Variants in ADAM22 observed in about 807,000 individuals in gnomAD.
ADAM22 encodes ADAM metallopeptidase domain 22.
In ADAM22, 65 loss-of-function variants were observed where a neutral mutation model predicts 144.6. The observed-to-expected ratio is 0.45, with a 90% CI of 0.37 to 0.55. The LOEUF (loss-of-function observed/expected upper bound fraction) is 0.55. ADAM22 is among the 20% of genes least tolerant of loss of function. The pLI, the probability that ADAM22 is intolerant of heterozygous loss-of-function variation, is 0.00. For synonymous variants in ADAM22, 391 were observed against 412.6 expected, an observed-to-expected ratio of 0.95 and a Z score of 0.63; for missense variants, 974 against 1,184.9, an observed-to-expected ratio of 0.82 and a Z score of 2.61.
chr7:88,058,538 G>T (rs1808896744), intron 3 of ADAM22, among the ~76,000 whole-genome samples: 2 of 152,150 alleles, frequency 1.3e-5, no homozygotes, highest in Admixed American at 1.3e-4. Context: ...ACCTTCATAG[G>T]ACATAACAAC....
chr7:88,141,535 T>C (rs1834646135), intron 14 of ADAM22, among the ~76,000 whole-genome samples: 1 of 152,134 alleles, frequency 6.6e-6, no homozygotes, highest in African/African-American at 2.4e-5. Flanking sequence ...CTTACCTTGT[T>C]TTTTTTCCCT....
rs1201180635 is a variant in ADAM22 at position 88,155,806 on chromosome 7, A to G, written c.1788-81A>G. The G allele has an allele frequency of 4.7e-6, 7 of 1,501,554 alleles. No homozygotes were observed. In the Admixed American group the frequency reaches 1.1e-4, roughly 23 times the overall value. The allele number at this position is 1,501,554 out of a possible 1,614,324, so 93.0% of individuals were successfully genotyped here. On this transcript the variant is annotated intron_variant, in intron 21 of 31. Coordinates refer to ENST00000413139, the MANE Select transcript of ADAM22 (RefSeq NM_001324418.2). ...ATATACTTGATGAAAACCAAATGCTAAAATGAGAGAAGATTATTCTAACTG... is the reference window on the plus strand; with the variant it reads ...ATATACTTGATGAAAACCAAATGCTGAAATGAGAGAAGATTATTCTAACTG...
chr7:88,001,195 G>A (rs1410115964), intron 3 of ADAM22, among the ~76,000 whole-genome samples: 11 of 152,150 alleles, frequency 7.2e-5, no homozygotes, highest in African/African-American at 2.4e-4. Context: ...GAAGTGTTTG[G>A]ATTTTAAATT....
chr7:88,100,291 A>T (rs529685847), intron 4 of ADAM22, among the ~76,000 whole-genome samples: 1 of 152,328 alleles, frequency 6.6e-6, no homozygotes, highest in East Asian at 1.9e-4. Context: ...GCTTTATGAA[A>T]AATTAAGTAC....
chr7:88,166,385 T>C (rs1842946658), intron 24 of ADAM22, among the ~76,000 whole-genome samples: 1 of 152,190 alleles, frequency 6.6e-6, no homozygotes, highest in African/African-American at 2.4e-5. Context: ...TTCTGTAGCC[T>C]GAACTGGCTA....
intron 3 of ADAM22, among the ~76,000 whole-genome samples, chr7:88,004,906 G>A (rs1010899881): frequency 1.3e-5 from 2 of 152,200 alleles, no homozygotes; most frequent in African/African-American, 4.8e-5. Flanking sequence ...TTGATGGAGA[G>A]GGTCTTGATT....
intron 2 of ADAM22, among the ~76,000 whole-genome samples, chr7:87,971,137 G>T (rs1850351775): frequency 6.6e-6 from 1 of 152,154 alleles, no homozygotes; most frequent in Non-Finnish European, 1.5e-5. Context: ...GACATGTGCT[G>T]TGTGTCAGCT....
At chr7:88,148,839 G>T (rs1332901469) in intron 17 of ADAM22, 138 bp from the exon 18 acceptor site, 2 of 592,200 alleles carry the variant, frequency 3.4e-6, no homozygotes, top group Admixed American at 3.3e-5. Flanking sequence ...TTCAGTAACT[G>T]TGGTTTTGAC....
At chr7:87,983,896 C>T (rs1272865115) in intron 3 of ADAM22, among the ~76,000 whole-genome samples, 2 of 151,930 alleles carry the variant, frequency 1.3e-5, no homozygotes, top group African/African-American at 2.4e-5. Context: ...TCAGCTTTCC[C>T]ATTGGTGACA....
At chr7:88,011,140 T>C (rs1014161578) in intron 3 of ADAM22, among the ~76,000 whole-genome samples, 13 of 152,226 alleles carry the variant, frequency 8.5e-5, no homozygotes, top group African/African-American at 2.9e-4. Flanking sequence ...GAGAAAGGGA[T>C]CAGAGGGCTC....
At chr7:87,946,621 G>T (rs1259195719) in intron 2 of ADAM22, among the ~76,000 whole-genome samples, 1 of 152,146 alleles carries the variant, frequency 6.6e-6, no homozygotes, top group Non-Finnish European at 1.5e-5. Context: ...CTTTCCCCAT[G>T]GCTTATTTTT....
chr7:87,977,073 T>A (rs1296107931), intron 2 of ADAM22, among the ~76,000 whole-genome samples: 1 of 152,082 alleles, frequency 6.6e-6, no homozygotes, highest in Non-Finnish European at 1.5e-5. Flanking sequence ...GAGTTATAGT[T>A]GAATGGTTCA....
intron 4 of ADAM22, among the ~76,000 whole-genome samples, chr7:88,078,933 A>T (rs1182274605): frequency 6.6e-6 from 1 of 152,230 alleles, no homozygotes; most frequent in East Asian, 1.9e-4. Context: ...GCAGGATATT[A>T]TCCAGGAGAA....
intron 24 of ADAM22, 64 bp downstream of exon 24, chr7:88,166,010 A>G: frequency 8.2e-7 from 1 of 1,214,364 alleles, no homozygotes; most frequent in East Asian, 2.6e-5. Flanking sequence ...GCTCTCTGAA[A>G]ACTTTTATTT....
chr7:88,028,761 T>G (rs1799581073), intron 3 of ADAM22, among the ~76,000 whole-genome samples: 1 of 152,066 alleles, frequency 6.6e-6, no homozygotes, highest in Non-Finnish European at 1.5e-5. Context: ...TATAATGACC[T>G]TCTTTGTCTC....
chr7:88,181,714 A>G, intron 28 of ADAM22, 109 bp downstream of exon 28: 1 of 963,984 alleles, frequency 1.0e-6, no homozygotes, highest in Non-Finnish European at 1.6e-6. Context: ...CTCTTCTCCC[A>G]ACAGAGAGGA....
chr7:88,187,863 C>A (rs1425571231), intron 30 of ADAM22, among the ~76,000 whole-genome samples: 1 of 152,050 alleles, frequency 6.6e-6, no homozygotes, highest in African/African-American at 2.4e-5. Context: ...TTTGCATATA[C>A]CCCAAGGAAA....
intron 11 of ADAM22, 94 bp downstream of exon 11, chr7:88,131,529 A>G: frequency 7.4e-7 from 1 of 1,358,254 alleles, no homozygotes; most frequent in Admixed American, 1.8e-5. Flanking sequence ...ACATAACACA[A>G]TTAGGATTTG....
chr7:87,976,860 T>G (rs1852000252), intron 2 of ADAM22, among the ~76,000 whole-genome samples: 2 of 147,706 alleles, frequency 1.4e-5, no homozygotes, highest in African/African-American at 2.6e-5. Flanking sequence ...GGGAGAAGGG[T>G]TTTTTATTTC....
Sources: gnomAD v4.1 joint callset for allele counts (sites outside exome capture counted in the v4.1 genomes callset) on GRCh38, gnomAD v4.1.1 for gene constraint, MANE v1.5 for transcripts, NCBI Gene and HGNC (gene_info 2026-07-23, HGNC 2026-07-21) for gene names.